Variants in UTS2B observed in about 807,000 individuals in gnomAD.
The protein encoded by UTS2B is urotensin 2B, also known as urotensin-2B.
UTS2B carries 21 observed loss-of-function variants against 19.2 expected under a neutral mutation model. The ratio of observed to expected loss-of-function variants is 1.09; its 90% CI spans 0.78 to 1.58. The LOEUF is 1.58. Ranked by LOEUF, UTS2B falls within the 40% of genes most tolerant of loss-of-function variation. The probability of loss-of-function intolerance (pLI) is 0.00; values close to 1 mark genes in which losing one functional copy is unlikely to be tolerated. For missense variants in UTS2B, 138 were observed against 130.3 expected (o/e 1.06, Z -0.29); for synonymous variants, 57 against 50.2 (o/e 1.14, Z -0.58).
At chr3:191,341,071 C>A in the UTS2B span, among the ~76,000 whole-genome samples, 1 of 152,094 alleles carries the variant, frequency 6.6e-6, no homozygotes, top group African/African-American at 2.4e-5. Flanking sequence ...AGTGATCCTC[C>A]CAGCTTAGCC....
chr3:191,315,882 C>T (rs1717433805), intron 3 of UTS2B, among the ~76,000 whole-genome samples, 154 bp downstream of exon 3: 3 of 152,156 alleles, frequency 2.0e-5, no homozygotes, highest in African/African-American at 7.2e-5. Flanking sequence ...AACATGCTGC[C>T]ATATTTGTCT....
intron 5 of UTS2B, among the ~76,000 whole-genome samples, chr3:191,278,489 TCTA>T (rs1289352081): frequency 2.6e-5 from 4 of 152,088 alleles, no homozygotes; most frequent in Non-Finnish European, 4.4e-5. Flanking sequence ...TCTGGAATTT[TCTA>T]CTATTTTATT....
At chr3:191,321,650 T>G (rs1249966499) in intron 2 of UTS2B, among the ~76,000 whole-genome samples, 1 of 152,246 alleles carries the variant, frequency 6.6e-6, no homozygotes, top group Non-Finnish European at 1.5e-5. Context: ...TTTTCAAAAC[T>G]GTCTTTATGA....
At chr3:191,272,818 G>A (rs1012767281) in intron 8 of UTS2B, among the ~76,000 whole-genome samples, 30 of 147,242 alleles carry the variant, frequency 2.0e-4, no homozygotes, top group Admixed American at 4.1e-4. Flanking sequence ...CCGAGGTAGC[G>A]TGCCATTGCA....
intron 2 of UTS2B, among the ~76,000 whole-genome samples, chr3:191,327,969 C>G (rs2108619627): frequency 6.6e-6 from 1 of 152,282 alleles, no homozygotes; most frequent in South Asian, 2.1e-4. Flanking sequence ...TCCTGTAAAG[C>G]ATATTTTAGA....
rs1447425930 is a variant in UTS2B, at chr3:191,267,372, T to C, written c.*1044A>G. The C allele has an allele frequency of 1.3e-5, 2 of 152,220 alleles. No homozygotes were observed. The highest frequency in any genetic ancestry group is 2.9e-5 in the Non-Finnish European group (2 of 68,030). 9.4% of individuals were successfully genotyped at this position (152,220 alleles called of 1,614,324 possible). A position where few individuals can be genotyped will look rare whatever the true frequency, so the allele number is the denominator to read the frequency against. ...AACATAAACCTTAAGCTTATCATAA[T>C]TGACTTAGTAACAAGAACAAGGTGA... is the stretch of plus-strand genomic sequence containing the variant. On this transcript the variant is annotated 3_prime_UTR_variant, in exon 9 of 9. Coordinates refer to ENST00000340524, the MANE Select transcript of UTS2B (RefSeq NM_198152.5).
intron 3 of UTS2B, among the ~76,000 whole-genome samples, chr3:191,315,570 C>T (rs989197001): frequency 1.3e-5 from 2 of 152,202 alleles, no homozygotes; most frequent in African/African-American, 4.8e-5. Context: ...AATCCCTTCA[C>T]ACATTTGGTG....
At chr3:191,314,543 C>T (rs1379417322) in intron 3 of UTS2B, among the ~76,000 whole-genome samples, 1 of 152,180 alleles carries the variant, frequency 6.6e-6, no homozygotes, top group Non-Finnish European at 1.5e-5. Context: ...TCCTGGCATA[C>T]AACCAAAATC....
intron 8 of UTS2B, chr3:191,273,304 G>GC (rs1385436058): frequency 8.5e-6 from 3 of 354,262 alleles, no homozygotes; most frequent in Non-Finnish European, 1.7e-5. Context: ...TATAGTCTAT[G>GC]TTTTTAAGAA....
At chr3:191,327,117 G>A (rs1717763383) in intron 2 of UTS2B, among the ~76,000 whole-genome samples, 1 of 152,216 alleles carries the variant, frequency 6.6e-6, no homozygotes, top group Non-Finnish European at 1.5e-5. Context: ...CACAGTCTAG[G>A]TAGGAAACAG....
intron 4 of UTS2B, among the ~76,000 whole-genome samples, chr3:191,282,741 A>T (rs1391922459): frequency 6.6e-6 from 1 of 152,198 alleles, no homozygotes; most frequent in Admixed American, 6.5e-5. Context: ...GTTCTTAACC[A>T]ACTGAATAAA....
chr3:191,338,978 T>C, the UTS2B span, among the ~76,000 whole-genome samples: 2 of 152,194 alleles, frequency 1.3e-5, no homozygotes, highest in Non-Finnish European at 2.9e-5. Context: ...CCATCAGAAT[T>C]TTTATGTGTG....
At chr3:191,295,190 T>C (rs921013449) in intron 4 of UTS2B, among the ~76,000 whole-genome samples, 1 of 152,038 alleles carries the variant, frequency 6.6e-6, no homozygotes, top group Admixed American at 6.5e-5. Flanking sequence ...TTTCTGCCTC[T>C]AATACTTTTC....
At chr3:191,280,585 A>G (rs985687261) in intron 5 of UTS2B, among the ~76,000 whole-genome samples, 3 of 152,156 alleles carry the variant, frequency 2.0e-5, no homozygotes, top group Admixed American at 2.0e-4. Flanking sequence ...TTTACATATA[A>G]TAAAACTGAG....
At chr3:191,325,758 C>G (rs1717730112) in intron 2 of UTS2B, among the ~76,000 whole-genome samples, 1 of 152,194 alleles carries the variant, frequency 6.6e-6, no homozygotes, top group Non-Finnish European at 1.5e-5. Flanking sequence ...GCACTGCAGA[C>G]AGGGTCTTTA....
intron 5 of UTS2B, among the ~76,000 whole-genome samples, chr3:191,279,525 A>G (rs1716324549): frequency 6.6e-6 from 1 of 152,076 alleles, no homozygotes; most frequent in Non-Finnish European, 1.5e-5. Flanking sequence ...AAACAGATCC[A>G]TTACCTTCAA....
chr3:191,340,464 A>G, the UTS2B span, among the ~76,000 whole-genome samples: 1 of 152,246 alleles, frequency 6.6e-6, no homozygotes, highest in Non-Finnish European at 1.5e-5. Context: ...AGCTATGCCA[A>G]AAAGTTTTAA....
chr3:191,278,000 A>C, intron 6 of UTS2B, 72 bp downstream of exon 6: 1 of 735,648 alleles, frequency 1.4e-6, no homozygotes, highest in Non-Finnish European at 2.1e-6. Flanking sequence ...TAACATTTAG[A>C]AAAAGCAAGT....
At chr3:191,278,264 G>T in intron 5 of UTS2B, 94 bp from the exon 6 acceptor site, 1 of 624,374 alleles carries the variant, frequency 1.6e-6, no homozygotes, top group South Asian at 2.3e-5. Flanking sequence ...TTGTATATTT[G>T]ACAACGAAAG....
Sources: allele counts gnomAD v4.1 joint callset (sites outside exome capture counted in the v4.1 genomes callset), GRCh38; gene constraint gnomAD v4.1.1; transcripts MANE v1.5; gene names NCBI Gene and HGNC (gene_info 2026-07-23, HGNC 2026-07-21).